The following ITGB3BP variants were observed in gnomAD, a reference collection of about 807,000 sequenced individuals.
The protein encoded by ITGB3BP is centromere protein R.
In ITGB3BP, 27 loss-of-function variants were observed where a neutral mutation model predicts 29.1. That is an observed-to-expected ratio of 0.93 (90% CI 0.68 to 1.28). The LOEUF is 1.28. ITGB3BP is among the 50% of genes most tolerant of loss of function. The pLI is 0.00. For synonymous variants in ITGB3BP, 61 were observed against 61.4 expected (o/e 0.99, Z 0.03); for missense variants, 192 against 200.2 (o/e 0.96, Z 0.25).
At chr1:63,444,319 G>A (rs1376172033) in intron 8 of ITGB3BP, among the ~76,000 whole-genome samples, 1 of 151,840 alleles carries the variant, frequency 6.6e-6, no homozygotes, top group Non-Finnish European at 1.5e-5. Context: ...CTGTGACGAT[G>A]TATCTATGAT....
chr1:63,519,170 A>C (rs1033216672), intron 1 of ITGB3BP, among the ~76,000 whole-genome samples: 3 of 152,266 alleles, frequency 2.0e-5, no homozygotes, highest in Admixed American at 2.0e-4. Flanking sequence ...AACCCATTGT[A>C]AATTGAAAAT....
intron 2 of ITGB3BP, among the ~76,000 whole-genome samples, chr1:63,505,280 T>G (rs980614643): frequency 1.3e-5 from 2 of 152,192 alleles, no homozygotes; most frequent in African/African-American, 4.8e-5. Flanking sequence ...TTCTTCTAGA[T>G]TTTCTAGTTT....
At chr1:63,501,015 A>T (rs1645915928) in intron 2 of ITGB3BP, among the ~76,000 whole-genome samples, 1 of 152,242 alleles carries the variant, frequency 6.6e-6, no homozygotes, top group African/African-American at 2.4e-5. Flanking sequence ...TACATTTATG[A>T]TCACTTGATT....
At chr1:63,520,901 A>C (rs1480452070) in intron 1 of ITGB3BP, among the ~76,000 whole-genome samples, 1 of 152,216 alleles carries the variant, frequency 6.6e-6, no homozygotes, top group African/African-American at 2.4e-5. Flanking sequence ...TAAGTTTTAT[A>C]AGGATAACAA....
At chr1:63,442,670 A>G (rs1570105208) in intron 8 of ITGB3BP, 1 of 152,246 alleles carries the variant, frequency 6.6e-6, no homozygotes, top group Admixed American at 6.5e-5. Context: ...GGGGTTATCA[A>G]TTCCACCACC....
At chr1:63,490,726 C>G (rs1274193131) in intron 2 of ITGB3BP, among the ~76,000 whole-genome samples, 1 of 152,232 alleles carries the variant, frequency 6.6e-6, no homozygotes, top group East Asian at 1.9e-4. Context: ...GCATTTAAGG[C>G]CTTTGAGGAT....
At chr1:63,509,498 A>C (rs967679760) in intron 1 of ITGB3BP, among the ~76,000 whole-genome samples, 2 of 152,222 alleles carry the variant, frequency 1.3e-5, no homozygotes, top group Non-Finnish European at 2.9e-5. Context: ...GAAATCCCCC[A>C]AAAGTTTGTA....
At position 63,500,064 on chromosome 1, in the gene ITGB3BP, C is replaced by A. The variant is rs548794096; in HGVS notation, c.48+8464G>T. 2.6e-5 allele frequency among the ~76,000 whole-genome samples: 4 copies of A among 152,296 alleles called. No individual in the cohort carries two copies. The South Asian group carries it at 6.2e-4, about 24-fold the overall frequency. On this transcript the variant is annotated intron_variant, in intron 2 of 8. Coordinates refer to ENST00000271002, the MANE Select transcript of ITGB3BP (RefSeq NM_014288.5). ...TAAAACTATCCCTACTTGCAGATGA[C>A]CTGATCTTATATATAGAATACCCTA...
chr1:63,481,236 G>A (rs1401180186), intron 3 of ITGB3BP, among the ~76,000 whole-genome samples: 2 of 152,022 alleles, frequency 1.3e-5, no homozygotes, highest in African/African-American at 4.8e-5. Flanking sequence ...ATCTCACCCT[G>A]TAAAAATGTG....
intron 4 of ITGB3BP, among the ~76,000 whole-genome samples, chr1:63,456,338 T>C (rs1644936589): frequency 6.6e-6 from 1 of 152,160 alleles, no homozygotes. Context: ...GGGTGTTTTT[T>C]TTCTTTAAAA....
chr1:63,477,035 T>G (rs1381643561), intron 4 of ITGB3BP, among the ~76,000 whole-genome samples: 1 of 152,134 alleles, frequency 6.6e-6, no homozygotes, highest in Non-Finnish European at 1.5e-5. Flanking sequence ...ACAAAAATAT[T>G]TGTGGGGCAG....
upstream of ITGB3BP, among the ~76,000 whole-genome samples, chr1:63,526,251 G>C (rs1646587700): frequency 6.6e-6 from 1 of 151,908 alleles, no homozygotes; most frequent in Non-Finnish European, 1.5e-5. Flanking sequence ...TATTGCTTCT[G>C]TCCTTTATCA....
upstream of ITGB3BP, chr1:63,527,919 A>T (rs1188262886): frequency 6.6e-6 from 1 of 152,186 alleles, no homozygotes; most frequent in Non-Finnish European, 1.5e-5. Flanking sequence ...ATTTTCTTTC[A>T]TGTGGACTTC....
intron 8 of ITGB3BP, chr1:63,443,225 C>G (rs1350738893): frequency 1.3e-5 from 2 of 152,240 alleles, no homozygotes; most frequent in Admixed American, 6.6e-5. Context: ...TCAGGAGTTT[C>G]ATTCACATCC....
intron 4 of ITGB3BP, among the ~76,000 whole-genome samples, chr1:63,472,844 G>T (rs1382587666): frequency 6.6e-6 from 1 of 151,948 alleles, no homozygotes; most frequent in Non-Finnish European, 1.5e-5. Context: ...CCTCCCAGCC[G>T]CCTGCCTTGG....
At chr1:63,523,968 T>C (rs1165932575), upstream of ITGB3BP, among the ~76,000 whole-genome samples, 2 of 152,102 alleles carry the variant, frequency 1.3e-5, no homozygotes, top group East Asian at 1.9e-4. Flanking sequence ...TTTGCTGCAA[T>C]GTACTCTCTA....
At chr1:63,493,620 G>A (rs966272211) in intron 2 of ITGB3BP, among the ~76,000 whole-genome samples, 2 of 151,290 alleles carry the variant, frequency 1.3e-5, no homozygotes, top group Non-Finnish European at 2.9e-5. Flanking sequence ...TTTGGGCATC[G>A]ATTTTTCTGC....
At chr1:63,502,610 A>C (rs1645962795) in intron 2 of ITGB3BP, among the ~76,000 whole-genome samples, 1 of 151,130 alleles carries the variant, frequency 6.6e-6, no homozygotes, top group Non-Finnish European at 1.5e-5. Context: ...ATGTGCTGCA[A>C]CCATTAACTC....
chr1:63,521,695 A>T (rs1022372463), intron 1 of ITGB3BP, among the ~76,000 whole-genome samples: 12 of 152,074 alleles, frequency 7.9e-5, no homozygotes, highest in Admixed American at 6.5e-4. Flanking sequence ...GCATGGTGGC[A>T]TGTGGGAGCC....
Sources: gnomAD v4.1 joint callset for allele counts (sites outside exome capture counted in the v4.1 genomes callset) on GRCh38, gnomAD v4.1.1 for gene constraint, MANE v1.5 for transcripts, NCBI Gene and HGNC (gene_info 2026-07-23, HGNC 2026-07-21) for gene names.